Variants in SPANXN4 observed in about 807,000 individuals in gnomAD.
The protein encoded by SPANXN4 is sperm protein associated with the nucleus on the X chromosome N4.
A neutral mutation model predicts 6.0 loss-of-function variants in SPANXN4; 5 were observed. The ratio of observed to expected loss-of-function variants is 0.83; its 90% CI spans 0.44 to 1.75. SPANXN4 has a LOEUF of 1.75. Ranked by LOEUF, SPANXN4 falls within the 40% of genes most tolerant of loss-of-function variation. The probability of loss-of-function intolerance (pLI) is 0.02; values close to 1 mark genes in which losing one functional copy is unlikely to be tolerated. For missense variants in SPANXN4, 157 were observed against 108.6 expected, an observed-to-expected ratio of 1.45 and a Z score of -1.98; for synonymous variants, 45 against 38.0, an observed-to-expected ratio of 1.19 and a Z score of -0.68.
Position 143,034,068 on chromosome X carries a change from TG to T in SPANXN4, c.120del (p.Glu42ArgfsTer10), listed in dbSNP as rs1266033655. ...AGAGCCTCAGCCCCTGAACAGAGTT[TG>T]AAAGAGACAGAAAAAGCAAAATATC... On this transcript the variant is annotated frameshift_variant, in exon 2 of 3. Coordinates refer to ENST00000370504, the Ensembl canonical transcript of SPANXN4. LOFTEE classifies it high-confidence loss of function. The T allele has an allele frequency of 1.7e-6, 2 of 1,178,023 alleles. No homozygotes were observed. Among genetic ancestry groups the T allele is most frequent in the Admixed American group, 2.5e-5 (1 of 40,331 alleles).
downstream of SPANXN4, among the ~76,000 whole-genome samples, chrX:143,036,506 C>T (rs1281500355): frequency 8.9e-6 from 1 of 111,876 alleles, no homozygotes; most frequent in Non-Finnish European, 1.9e-5. Context: ...GTCCAGTTGT[C>T]CAAGCACCAT....
chrX:143,032,022 C>G (rs771773046), intron 1 of SPANXN4, among the ~76,000 whole-genome samples: 2 of 111,819 alleles, frequency 1.8e-5, no homozygotes, highest in Admixed American at 9.4e-5. Context: ...GCTAGGGTCC[C>G]TATTGGGTTA....
In SPANXN4 at chrX:143,030,090, G is replaced by A. The variant is rs746062984; in HGVS notation, c.79-3938G>A. 1.9e-4 allele frequency among the ~76,000 whole-genome samples: 21 copies of A among 109,076 alleles called. No individual in the cohort carries two copies. The South Asian group carries it at 4.9e-3, about 26-fold the overall frequency. The allele number at this position is 109,076 out of a possible 115,157, so 94.7% of individuals were successfully genotyped here. On this transcript the variant is annotated intron_variant, in intron 1 of 2. Coordinates refer to ENST00000370504, the Ensembl canonical transcript of SPANXN4. ...TTTTAAGTGGGAGTTGATGGGGCAA[G>A]CTGGGTTCAGGTGTTTTAAGATGGG...
At chrX:143,036,766 G>T (rs578220634), downstream of SPANXN4, among the ~76,000 whole-genome samples, 1 of 111,486 alleles carries the variant, frequency 9.0e-6, no homozygotes, top group African/African-American at 3.3e-5. Context: ...TTAAATTTAC[G>T]TGAGTTTTAA....
intron 1 of SPANXN4, 60 bp from the exon 2 acceptor site, chrX:143,033,965 A>G: frequency 9.5e-7 from 1 of 1,049,878 alleles, no homozygotes; most frequent in East Asian, 3.3e-5. Context: ...CTTGCTATCT[A>G]TTCTCTACCC....
downstream of SPANXN4, among the ~76,000 whole-genome samples, chrX:143,036,811 G>A (rs778121692): frequency 2.2e-4 from 25 of 111,435 alleles, no homozygotes; most frequent in Middle Eastern, 9.3e-3. Flanking sequence ...AAATGCAGGT[G>A]GGATCTTGAT....
chrX:143,027,693 T>C (rs1932786135), intron 1 of SPANXN4, among the ~76,000 whole-genome samples: 1 of 110,916 alleles, frequency 9.0e-6, no homozygotes, highest in Non-Finnish European at 1.9e-5. Flanking sequence ...TGTGAACTGC[T>C]GGATTTGTGT....
chrX:143,034,001 G>T, intron 1 of SPANXN4, 24 bp from the exon 2 acceptor site: 1 of 1,143,201 alleles, frequency 8.7e-7, no homozygotes, highest in Non-Finnish European at 1.2e-6. Context: ...ACACCATTCT[G>T]GCCTCTCCCT....
intron 1 of SPANXN4, 141 bp from the exon 2 acceptor site, chrX:143,033,884 C>T (rs1932826428): frequency 3.7e-6 from 2 of 536,316 alleles, no homozygotes; most frequent in African/African-American, 2.4e-5. Flanking sequence ...GATCCCTACC[C>T]TATGATTCCA....
chrX:143,027,398 G>A (rs1473300970), intron 1 of SPANXN4, among the ~76,000 whole-genome samples: 2 of 111,118 alleles, frequency 1.8e-5, no homozygotes, highest in African/African-American at 3.3e-5. Context: ...TCCAGGGAGC[G>A]CTGTTGAGTT....
At chrX:143,026,657 T>G (rs947594123) in intron 1 of SPANXN4, among the ~76,000 whole-genome samples, 28 of 111,269 alleles carry the variant, frequency 2.5e-4, no homozygotes, top group Non-Finnish European at 4.7e-4. Context: ...TTTGAAGCAG[T>G]GGGTGTTGGA....
At chrX:143,036,883 G>T (rs1006158438), downstream of SPANXN4, among the ~76,000 whole-genome samples, 3 of 111,318 alleles carry the variant, frequency 2.7e-5, no homozygotes, top group African/African-American at 9.8e-5. Context: ...TTATCTCTAA[G>T]ATCTTTCAAT....
intron 1 of SPANXN4, among the ~76,000 whole-genome samples, chrX:143,029,700 T>C (rs139896027): frequency 2.2e-4 from 24 of 111,018 alleles, no homozygotes; most frequent in Non-Finnish European, 4.0e-4. Context: ...GGGTTACCTA[T>C]GAGTAAGGCA....
downstream of SPANXN4, among the ~76,000 whole-genome samples, chrX:143,035,075 C>CAAA (rs780134042): frequency 7.5e-4 from 29 of 38,838 alleles, no homozygotes; most frequent in African/African-American, 9.6e-4. Context: ...GACTCTGTCT[C>CAAA]AAAAAAAAAA....
At chrX:143,037,402 C>T (rs762034923), downstream of SPANXN4, among the ~76,000 whole-genome samples, 2 of 111,294 alleles carry the variant, frequency 1.8e-5, no homozygotes, top group South Asian at 3.8e-4. Flanking sequence ...CGAATTCTTC[C>T]GTGAGCCATT....
chrX:143,033,421 T>G (rs1273901816), intron 1 of SPANXN4, among the ~76,000 whole-genome samples: 1 of 111,127 alleles, frequency 9.0e-6, no homozygotes, highest in Non-Finnish European at 1.9e-5. Flanking sequence ...AGGCAAGGGT[T>G]AAAGACACAC....
chrX:143,032,448 A>G (rs767845763), intron 1 of SPANXN4, among the ~76,000 whole-genome samples: 2 of 109,835 alleles, frequency 1.8e-5, no homozygotes, highest in South Asian at 4.0e-4. Context: ...AAAGGAGAAG[A>G]AGGAGGAAAT....
chrX:143,026,214 GC>G, intron 1 of SPANXN4, 122 bp downstream of exon 1: 1 of 589,496 alleles, frequency 1.7e-6, no homozygotes, highest in Non-Finnish European at 2.7e-6. Flanking sequence ...CCAGCTTCAT[GC>G]CAGAGCCCAC....
intron 1 of SPANXN4, among the ~76,000 whole-genome samples, chrX:143,030,539 T>A (rs1471342020): frequency 9.2e-6 from 1 of 108,310 alleles, no homozygotes; most frequent in Non-Finnish European, 1.9e-5. Context: ...CCTGTGGGAG[T>A]ATGGTCCATG....
Sources: gnomAD v4.1 joint callset for allele counts (sites outside exome capture counted in the v4.1 genomes callset) on GRCh38, gnomAD v4.1.1 for gene constraint, MANE v1.5 for transcripts, NCBI Gene and HGNC (gene_info 2026-07-23, HGNC 2026-07-21) for gene names.